Variants in L1CAM observed in about 807,000 individuals in gnomAD.
L1CAM encodes the protein neural cell adhesion molecule L1.
Under a neutral mutation model 93.0 loss-of-function variants are expected in L1CAM, and 8 were observed. The observed-to-expected ratio is 0.09, with a 90% CI of 0.05 to 0.16. The LOEUF (loss-of-function observed/expected upper bound fraction) is 0.16. L1CAM is among the 10% of genes least tolerant of loss of function. The probability of loss-of-function intolerance (pLI) is 1.00; values close to 1 mark genes in which losing one functional copy is unlikely to be tolerated. For synonymous variants in L1CAM, 453 were observed against 453.0 expected (o/e 1.00, Z 0.00); for missense variants, 777 against 1,073.4 (o/e 0.72, Z 3.86).
intron 7 of L1CAM, 92 bp from the exon 8 acceptor site, chrX:153,870,591 G>A (rs1015881346): frequency 6.7e-5 from 57 of 845,084 alleles, no homozygotes; most frequent in South Asian, 2.8e-4. Context: ...GCCAGCCCCC[G>A]GGGCCTCTGT....
At chrX:153,869,759 C>G (rs1557092365) in intron 10 of L1CAM, 44 bp downstream of exon 10, 1 of 1,208,133 alleles carries the variant, frequency 8.3e-7, no homozygotes, top group East Asian at 3.0e-5. Context: ...CCACAGCCCC[C>G]AGGGCTCGCC....
intron 2 of L1CAM, 148 bp from the exon 3 acceptor site, chrX:153,873,390 C>A (rs1557093800): frequency 3.3e-6 from 2 of 598,422 alleles, no homozygotes; most frequent in Non-Finnish European, 5.7e-6. Context: ...CTGGCAGTGG[C>A]AACAAGGGGG....
At chrX:153,883,633 C>A (rs1170005064) in intron 1 of L1CAM, 2 of 287,789 alleles carry the variant, frequency 6.9e-6, no homozygotes, top group East Asian at 1.0e-4. Context: ...GGCATCCAGA[C>A]CCCCCGCCTC....
chrX:153,867,617 G>A, intron 16 of L1CAM, 64 bp from the exon 17 acceptor site: 1 of 1,078,958 alleles, frequency 9.3e-7, no homozygotes, highest in South Asian at 1.9e-5. Context: ...GGCTGTGGAG[G>A]GGTTGGGTAC....
In L1CAM at chrX:153,867,388, G is replaced by C. The variant is rs782568205; in HGVS notation, c.2105C>G (p.Pro702Arg). ...AGGTGTGACCACAGTCTCAGAGACC[G>C]GGCTGGGCTCCCCGGGGCCATATTT... ...INKYGPGEPS[P>R]VSETVVTPEA... The change falls in exon 17 of 29, where the codon CCG (proline) becomes CGG (arginine). Residue 702 changes from proline to arginine, a missense_variant. Transcript: ENST00000370060. 2.5e-6 allele frequency: 3 copies of C among 1,210,582 alleles called. No individual in the cohort carries two copies. Among genetic ancestry groups the C allele is most frequent in the Non-Finnish European group, 1.1e-6 (1 of 895,017 alleles).
Position 153,863,968 on chromosome X carries a change from G to A in L1CAM, c.3372C>T (p.Ile1124=), listed in dbSNP as rs782446981. The A allele has an allele frequency of 1.1e-5, 13 of 1,211,186 alleles. No individual in the cohort carries two copies. In the East Asian group the frequency reaches 1.2e-4, roughly 11 times the overall value. Residue 1124 remains isoleucine (I), a synonymous_variant, in exon 26 of 29, where the codon ATC becomes ATT. Transcript: ENST00000370060. The stretch of plus-strand genomic sequence containing the variant: ...GGAGGATGATGGCACTCACAAAGCC[G>A]ATGAACCAGCCCTCAGTGGCGAAGC... ...PAGFATEGWF[I]GFVSAIILLL... is the part of the protein sequence containing the mutation.
At chrX:153,883,867 C>T (rs2064861422) in intron 1 of L1CAM, 1 of 342,938 alleles carries the variant, frequency 2.9e-6, no homozygotes, top group Non-Finnish European at 5.9e-6. Context: ...GCAGCCATTT[C>T]GAGCTTTGAA....
chrX:153,885,337 C>G (rs12156710), intron 1 of L1CAM: 2 of 967,992 alleles, frequency 2.1e-6, no homozygotes, highest in Non-Finnish European at 2.7e-6. Flanking sequence ...ACCGACCTCA[C>G]CCACTCCAGC....
chrX:153,883,253 G>A (rs1467442040), intron 1 of L1CAM, among the ~76,000 whole-genome samples: 1 of 111,050 alleles, frequency 9.0e-6, no homozygotes, highest in Non-Finnish European at 1.9e-5. Context: ...CAGAGAGATG[G>A]AGCAGAGCCC....
intron 1 of L1CAM, among the ~76,000 whole-genome samples, chrX:153,878,848 C>A (rs73640834): frequency 5.4e-5 from 6 of 111,100 alleles, no homozygotes; most frequent in African/African-American, 2.0e-4. Flanking sequence ...CCCTGGTCCC[C>A]GCTCCCTGCC....
rs12388940 is a variant in L1CAM at position 153,875,529 on chromosome X, C to A, written c.76+232G>T. On this transcript the variant is annotated intron_variant, in intron 2 of 28. Transcript: ENST00000370060. ...CGCTGTCCCTGGTGCTGAAATCGCC[C>A]CGGCGGCCGCGCCTGTCCCTGTCCA... 4.8e-3 allele frequency: 2,367 copies of A among 494,766 alleles called. 33 individuals carry two copies. In the African/African-American group the frequency reaches 0.05, roughly 10 times the overall value. 40.8% of individuals were successfully genotyped at this position (494,766 alleles called of 1,213,427 possible). A position where few individuals can be genotyped will look rare whatever the true frequency, so the allele number is the denominator to read the frequency against.
chrX:153,882,805 T>C (rs2064852424), intron 1 of L1CAM, among the ~76,000 whole-genome samples: 1 of 111,858 alleles, frequency 8.9e-6, no homozygotes, highest in Non-Finnish European at 1.9e-5. Flanking sequence ...AGCTGCTGAC[T>C]GACAGTGGCT....
rs1557091625 is a variant in L1CAM, at chrX:153,868,044, A to G, written c.1782T>C (p.Ser594=). 1 of 1,210,050 alleles carries G rather than the reference A, an allele frequency of 8.3e-7. No individual in the cohort carries two copies. The highest frequency in any genetic ancestry group is 1.1e-6 in the Non-Finnish European group (1 of 895,022). The stretch of plus-strand genomic sequence containing the variant: ...TACTCTCCACCACATCCAGTTCGGT[A>G]CTGGCCACGCAGCTGTAGTTGCCCT... ...SDQGNYSCVA[S]TELDVVESRA... is the part of the protein sequence containing the mutation. Residue 594 remains serine, a synonymous_variant, in exon 15 of 29, where the codon AGT becomes AGC. Coordinates refer to ENST00000370060, the MANE Select transcript of L1CAM (RefSeq NM_001278116.2).
rs894143531 is a variant in L1CAM at position 153,885,785 on chromosome X, C to T, written c.-109+280G>A. 9 of 799,045 alleles carry T rather than the reference C, an allele frequency of 1.1e-5. No homozygotes were observed. The East Asian group carries it at 8.4e-4, about 74-fold the overall frequency. The allele number at this position is 799,045 out of a possible 1,213,427, so 65.9% of individuals were successfully genotyped here. ...GCCCACACAGACCCTGCCTGACGCC[C>T]CCCGCCCTGTTCTCCCGCCCAGGCC... On this transcript the variant is annotated intron_variant, in intron 1 of 28. Transcript: ENST00000370060.
At position 153,875,809 on chromosome X, in the gene L1CAM, G is replaced by C. The variant is rs144605615; in HGVS notation, c.28C>G (p.Pro10Ala). The change falls in exon 2 of 29, where the codon CCT (proline) becomes GCT (alanine). Residue 10 changes from proline (P) to alanine (A), a missense_variant. Transcript: ENST00000370060. ...AGGCAGGGGCTGCAGAGGAGGAGAGGCCACACGTACCGCAGCGCCACGACC... is the reference window on the plus strand; with the variant it reads ...AGGCAGGGGCTGCAGAGGAGGAGAGCCCACACGTACCGCAGCGCCACGACC... Reference protein sequence around the residue: MVVALRYVWPLLLCSPCLLI... With the variant: MVVALRYVWALLLCSPCLLI... The C allele has an allele frequency of 8.3e-7, 1 of 1,210,221 alleles. No individual in the cohort carries two copies. The highest frequency in any genetic ancestry group is 1.8e-5 in the South Asian group (1 of 56,949).
intron 2 of L1CAM, among the ~76,000 whole-genome samples, chrX:153,874,367 T>C (rs1356392949): frequency 8.8e-6 from 1 of 113,210 alleles, no homozygotes; most frequent in East Asian, 2.8e-4. Context: ...TGTATCCACC[T>C]CTGTGTCCTC....
At position 153,875,863 on chromosome X, in the gene L1CAM, G is replaced by A; in HGVS notation, c.-27C>T. On this transcript the variant is annotated 5_prime_UTR_variant, in exon 2 of 29. Transcript: ENST00000370060. ...TTTCCCGGCGGCACCGCGCAGCACA[G>A]CCAGCCGGGCTCGGTTCAGGCTCCG... The A allele has an allele frequency of 8.4e-7, 1 of 1,196,318 alleles. No individual in the cohort carries two copies. The highest frequency in any genetic ancestry group is 1.1e-6 in the Non-Finnish European group (1 of 887,401).
chrX:153,883,862 C>G (rs1320558388), intron 1 of L1CAM: 1 of 342,017 alleles, frequency 2.9e-6, no homozygotes, highest in African/African-American at 2.6e-5. Context: ...TCAGTGCAGC[C>G]ATTTCGAGCT....
In L1CAM at chrX:153,873,326, C is replaced by G. The variant is rs2064789277; in HGVS notation, c.77-84G>C. On this transcript the variant is annotated intron_variant, in intron 2 of 28. Coordinates refer to ENST00000370060, the MANE Select transcript of L1CAM (RefSeq NM_001278116.2). Reference sequence around the variant, plus strand: ...CCAGAGTGGGGCAGATGGCAGGGGACATAGTAAGCTCCTGCAGCCCCCCCG... The same window carrying G: ...CCAGAGTGGGGCAGATGGCAGGGGAGATAGTAAGCTCCTGCAGCCCCCCCG... 4 of 987,828 alleles carry G rather than the reference C, an allele frequency of 4.0e-6. No homozygotes were observed. In the Admixed American group the frequency reaches 6.6e-5, roughly 16 times the overall value. 81.4% of individuals were successfully genotyped at this position (987,828 alleles called of 1,213,427 possible).
Sources: allele counts gnomAD v4.1 joint callset (sites outside exome capture counted in the v4.1 genomes callset), GRCh38; gene constraint gnomAD v4.1.1; transcripts MANE v1.5; gene names NCBI Gene and HGNC (gene_info 2026-07-23, HGNC 2026-07-21).